The following SPOCK3 variants were observed in gnomAD, a reference collection of about 807,000 sequenced individuals.
SPOCK3 encodes testican-3.
Under a neutral mutation model 56.6 loss-of-function variants are expected in SPOCK3, and 30 were observed. That is an observed-to-expected ratio of 0.53 (90% CI 0.40 to 0.72). The LOEUF is 0.72. Ranked by LOEUF, SPOCK3 falls within the 30% of genes least tolerant of loss-of-function variation. The pLI, the probability that SPOCK3 is intolerant of heterozygous loss-of-function variation, is 0.00. For missense variants in SPOCK3, 527 were observed against 530.0 expected (o/e 0.99, Z 0.06); for synonymous variants, 196 against 183.3 (o/e 1.07, Z -0.56).
intron 4 of SPOCK3, among the ~76,000 whole-genome samples, chr4:166,956,971 C>T (rs947421358): frequency 1.2e-4 from 18 of 152,252 alleles, no homozygotes; most frequent in East Asian, 1.9e-4. Context: ...AAAGAAAACA[C>T]GGCCAGGCAT....
At chr4:167,067,095 A>T (rs1756224949) in intron 2 of SPOCK3, among the ~76,000 whole-genome samples, 1 of 151,868 alleles carries the variant, frequency 6.6e-6, no homozygotes, top group South Asian at 2.1e-4. Context: ...GGAATAGGAG[A>T]TCTTGATGCC....
intron 7 of SPOCK3, among the ~76,000 whole-genome samples, chr4:166,789,813 CT>C (rs1428367086): frequency 6.6e-6 from 1 of 152,046 alleles, no homozygotes; most frequent in Non-Finnish European, 1.5e-5. Flanking sequence ...GAAAAGTTAA[CT>C]CTCATGTCTT....
intron 2 of SPOCK3, among the ~76,000 whole-genome samples, chr4:167,090,993 A>C (rs2150309518): frequency 6.6e-6 from 1 of 152,350 alleles, no homozygotes. Context: ...ACAAGTAATC[A>C]AAATGATCCA....
chr4:166,921,983 AC>A (rs1206587979), intron 4 of SPOCK3, among the ~76,000 whole-genome samples: 1 of 152,072 alleles, frequency 6.6e-6, no homozygotes, highest in Non-Finnish European at 1.5e-5. Flanking sequence ...CCTGTTAGGA[AC>A]CGGGCTGCAC....
At chr4:166,954,651 C>T (rs1743166091) in intron 4 of SPOCK3, among the ~76,000 whole-genome samples, 1 of 152,112 alleles carries the variant, frequency 6.6e-6, no homozygotes, top group Non-Finnish European at 1.5e-5. Context: ...CTATTCTAGT[C>T]CATTGGTCTG....
At chr4:167,139,511 T>C (rs372627504) in intron 2 of SPOCK3, among the ~76,000 whole-genome samples, 1 of 152,024 alleles carries the variant, frequency 6.6e-6, no homozygotes, top group African/African-American at 2.4e-5. Flanking sequence ...CATGAACTAA[T>C]AGAGCTGACA....
chr4:166,846,980 C>T (rs938407731), intron 6 of SPOCK3, among the ~76,000 whole-genome samples: 1 of 152,078 alleles, frequency 6.6e-6, no homozygotes, highest in South Asian at 2.1e-4. Flanking sequence ...AAAGCCTGTG[C>T]TTAATTTTGT....
At chr4:166,920,725 C>A (rs991059658) in intron 4 of SPOCK3, among the ~76,000 whole-genome samples, 1 of 152,104 alleles carries the variant, frequency 6.6e-6, no homozygotes, top group African/African-American at 2.4e-5. Context: ...CTAAGCGCAA[C>A]ATTTCCTAAA....
chr4:166,847,549 A>G (rs928604895), intron 6 of SPOCK3, among the ~76,000 whole-genome samples: 4 of 150,452 alleles, frequency 2.7e-5, no homozygotes, highest in Admixed American at 2.0e-4. Context: ...TTATGCTCAT[A>G]ACACATTAGT....
At chr4:166,752,212 ACAGGATCTCACCACATTG>A (rs1295594345) in intron 8 of SPOCK3, among the ~76,000 whole-genome samples, 1 of 151,896 alleles carries the variant, frequency 6.6e-6, no homozygotes, top group Non-Finnish European at 1.5e-5. Context: ...TTTTGTAGAG[ACAGGATCTCACCACATTG>A]CCCACACTGC....
intron 5 of SPOCK3, among the ~76,000 whole-genome samples, chr4:166,899,025 A>G (rs1348443115): frequency 6.6e-6 from 1 of 151,926 alleles, no homozygotes; most frequent in Non-Finnish European, 1.5e-5. Flanking sequence ...TCTCTGCTTG[A>G]GACATCTATC....
At chr4:167,158,250 T>C (rs1764980733) in intron 2 of SPOCK3, among the ~76,000 whole-genome samples, 1 of 151,980 alleles carries the variant, frequency 6.6e-6, no homozygotes, top group Admixed American at 6.6e-5. Context: ...TACACTATAG[T>C]CTTTGGTAAT....
chr4:166,882,687 A>C (rs1560968832), intron 6 of SPOCK3: 1 of 152,222 alleles, frequency 6.6e-6, no homozygotes, highest in Non-Finnish European at 1.5e-5. Flanking sequence ...ATTAGTAGGG[A>C]AGTTAAAATT....
At chr4:166,813,895 G>T (rs1744106026) in intron 6 of SPOCK3, among the ~76,000 whole-genome samples, 1 of 151,974 alleles carries the variant, frequency 6.6e-6, no homozygotes, top group Non-Finnish European at 1.5e-5. Flanking sequence ...GGAGGATAAG[G>T]CATTGGTTTG....
chr4:167,160,211 A>G (rs1765168581), intron 2 of SPOCK3, among the ~76,000 whole-genome samples: 1 of 152,206 alleles, frequency 6.6e-6, no homozygotes, highest in Non-Finnish European at 1.5e-5. Flanking sequence ...TACAAAATCA[A>G]TGTACAAAAA....
intron 2 of SPOCK3, among the ~76,000 whole-genome samples, chr4:167,075,343 C>T (rs1757084950): frequency 6.6e-6 from 1 of 151,862 alleles, no homozygotes; most frequent in African/African-American, 2.4e-5. Context: ...TTTTCCAATG[C>T]TGACACTCAA....
At chr4:167,126,269 C>A (rs1330840927) in intron 2 of SPOCK3, among the ~76,000 whole-genome samples, 1 of 152,044 alleles carries the variant, frequency 6.6e-6, no homozygotes, top group Non-Finnish European at 1.5e-5. Flanking sequence ...CATTGTAGGC[C>A]GGGCGCTGTG....
intron 2 of SPOCK3, among the ~76,000 whole-genome samples, chr4:167,121,629 C>T (rs1481614372): frequency 6.6e-6 from 1 of 152,052 alleles, no homozygotes; most frequent in Non-Finnish European, 1.5e-5. Context: ...TATGTGACTG[C>T]ATAACAAAAT....
At chr4:167,131,608 A>G (rs1260409760) in intron 2 of SPOCK3, among the ~76,000 whole-genome samples, 2 of 152,118 alleles carry the variant, frequency 1.3e-5, no homozygotes, top group African/African-American at 4.8e-5. Flanking sequence ...GTCCCCCACA[A>G]AAAAAACCAA....
Sources: gnomAD v4.1 joint callset for allele counts (sites outside exome capture counted in the v4.1 genomes callset) on GRCh38, gnomAD v4.1.1 for gene constraint, MANE v1.5 for transcripts, NCBI Gene and HGNC (gene_info 2026-07-23, HGNC 2026-07-21) for gene names.